Variants in FAM210B observed in about 807,000 individuals in gnomAD.
The protein encoded by FAM210B is family with sequence similarity 210 member B.
FAM210B carries 11 observed loss-of-function variants against 14.9 expected under a neutral mutation model. The ratio of observed to expected loss-of-function variants is 0.74; its 90% confidence interval spans 0.46 to 1.22. The LOEUF is 1.22. Ranked by LOEUF, FAM210B falls within the 50% of genes most tolerant of loss-of-function variation. The pLI is 0.00. For synonymous variants in FAM210B, 113 were observed against 110.2 expected (o/e 1.03, Z -0.16); for missense variants, 229 against 250.1 (o/e 0.92, Z 0.57).
chr20:56,363,148 G>C lies in FAM210B; in HGVS notation c.187-1939G>C, dbSNP rs1402411426. Among the ~76,000 whole-genome samples the C allele has an allele frequency of 6.6e-6, 1 of 152,200 alleles. No homozygotes were observed. The highest frequency in any genetic ancestry group is 1.5e-5 in the Non-Finnish European group (1 of 68,040). On this transcript the variant is annotated intron_variant, in intron 1 of 2. Coordinates refer to ENST00000371384, the MANE Select transcript of FAM210B (RefSeq NM_080821.3). The surrounding 1 kb of genome is among the most constrained non-coding windows in gnomAD (Gnocchi z 4.1). ...CTTCCCTCCTCCCCTCCAGAGCCTG[G>C]ACATTCTGGAAAAGTGTCTTCCTTT...
At chr20:56,365,653 A>G (rs1236358845) in intron 2 of FAM210B, among the ~76,000 whole-genome samples, 2 of 152,154 alleles carry the variant, frequency 1.3e-5, no homozygotes, top group African/African-American at 4.8e-5. Flanking sequence ...CTACAGTCGC[A>G]TGCCACCAAG....
intron 1 of FAM210B, chr20:56,360,266 A>G (rs1451612034): frequency 2.1e-6 from 1 of 469,578 alleles, no homozygotes; most frequent in East Asian, 6.9e-5. Flanking sequence ...ATGATTCTTC[A>G]GGGCCCAGCC....
chr20:56,366,652 G>T lies in FAM210B; in HGVS notation c.*365G>T, dbSNP rs1490936877. ...TAATCTTGGCTCAGTTTCCTAAAAA[G>T]CATTGATTAATTTAACTGGCTTTTA... On this transcript the variant is annotated 3_prime_UTR_variant, in exon 3 of 3. Coordinates refer to ENST00000371384, the MANE Select transcript of FAM210B (RefSeq NM_080821.3). The T allele has an allele frequency of 1.0e-5, 2 of 192,394 alleles. No homozygotes were observed. Among genetic ancestry groups the T allele is most frequent in the Non-Finnish European group, 2.1e-5 (2 of 93,640 alleles). The allele number at this position is 192,394 out of a possible 1,614,324, so 11.9% of individuals were successfully genotyped here. A position where few individuals can be genotyped will look rare whatever the true frequency, so the allele number is the denominator to read the frequency against.
rs993470012 is a variant in FAM210B at position 56,362,006 on chromosome 20, T to A, written c.186+2815T>A. 2.6e-5 allele frequency among the ~76,000 whole-genome samples: 4 copies of A among 152,076 alleles called. No individual in the cohort carries two copies. The highest frequency in any genetic ancestry group is 2.0e-4 in the Admixed American group (3 of 15,250). ...ATATAAAATAATAAAATAAAAGATA[T>A]GTTGGCCAGCTTGGTCTTGAACTTC... On this transcript the variant is annotated intron_variant, in intron 1 of 2. Coordinates refer to ENST00000371384, the MANE Select transcript of FAM210B (RefSeq NM_080821.3). The surrounding 1 kb of genome is among the most constrained non-coding windows in gnomAD (Gnocchi z 4.8).
chr20:56,359,222 G>C lies in FAM210B; in HGVS notation c.186+31G>C. Reference sequence around the variant, plus strand: ...CACCCCACCCCGACCCTGATCCCGGGCGGTGTCCAGGTCCCCAGACGTCCG... The same window carrying C: ...CACCCCACCCCGACCCTGATCCCGGCCGGTGTCCAGGTCCCCAGACGTCCG... On this transcript the variant is annotated intron_variant, in intron 1 of 2. Transcript: ENST00000371384. The surrounding 1 kb of genome is among the most constrained non-coding windows in gnomAD (Gnocchi z 4.3). 8.2e-7 allele frequency: 1 copy of C among 1,223,182 alleles called. No homozygotes were observed. Among genetic ancestry groups the C allele is most frequent in the African/African-American group, 1.6e-5 (1 of 63,956 alleles). 75.8% of individuals were successfully genotyped at this position (1,223,182 alleles called of 1,614,324 possible).
In FAM210B at chr20:56,366,360, T is replaced by C. The variant is rs1983635915; in HGVS notation, c.*73T>C. 4 of 1,434,792 alleles carry C rather than the reference T, an allele frequency of 2.8e-6. 1 individual carries two copies. The Admixed American group carries it at 7.3e-5, about 26-fold the overall frequency. 88.9% of individuals were successfully genotyped at this position (1,434,792 alleles called of 1,614,324 possible). A position where few individuals can be genotyped will look rare whatever the true frequency, so the allele number is the denominator to read the frequency against. On this transcript the variant is annotated 3_prime_UTR_variant, in exon 3 of 3. Coordinates refer to ENST00000371384, the MANE Select transcript of FAM210B (RefSeq NM_080821.3). The stretch of plus-strand genomic sequence containing the variant: ...ATGATTTGGATTGGTTTTAGGGTTT[T>C]AGGGTTGTAGGGTTTCTTTTGGAGA...
intron 1 of FAM210B, among the ~76,000 whole-genome samples, chr20:56,364,446 AC>A (rs1478736747): frequency 6.6e-6 from 1 of 152,028 alleles, no homozygotes; most frequent in Non-Finnish European, 1.5e-5. Flanking sequence ...ACTTATAAGG[AC>A]CCTTGTGATG....
rs1983496272 is a variant in FAM210B, at chr20:56,359,846, C to T, written c.186+655C>T. Among the ~76,000 whole-genome samples, 1 of 152,238 alleles carries T rather than the reference C, an allele frequency of 6.6e-6. No individual in the cohort carries two copies. Among genetic ancestry groups the T allele is most frequent in the Non-Finnish European group, 1.5e-5 (1 of 68,042 alleles). On this transcript the variant is annotated intron_variant, in intron 1 of 2. Coordinates refer to ENST00000371384, the MANE Select transcript of FAM210B (RefSeq NM_080821.3). This position sits in a 1 kb window ranked among gnomAD's most constrained non-coding sequence, Gnocchi z 4.3. ...GGCAAGCCCAGACACGCGGAGCCGG[C>T]GTCCAGCCCGGAGCGCATCCGGCCT...
Position 56,362,055 on chromosome 20 carries a change from C to T in FAM210B, c.186+2864C>T, listed in dbSNP as rs1057408814. 6.6e-6 allele frequency among the ~76,000 whole-genome samples: 1 copy of T among 152,168 alleles called. No homozygotes were observed. Among genetic ancestry groups the T allele is most frequent in the Non-Finnish European group, 1.5e-5 (1 of 68,024 alleles). ...TCTGGCCTCAAGCAATCCTCCTACA[C>T]CTCAGCTTCCCAAAGTGTTAGGATT... On this transcript the variant is annotated intron_variant, in intron 1 of 2. Coordinates refer to ENST00000371384, the MANE Select transcript of FAM210B (RefSeq NM_080821.3). This position sits in a 1 kb window ranked among gnomAD's most constrained non-coding sequence, Gnocchi z 4.8.
Position 56,365,223 on chromosome 20 carries a change from C to T in FAM210B, c.323C>T (p.Ser108Leu). Residue 108 changes from serine to leucine, a missense_variant, in exon 2 of 3, where the codon TCA becomes TTA. Transcript: ENST00000371384. ...TVGVSLHIGI[S>L]LISLGIFYMV... ...GGCGTGTCATTGCACATTGGAATCT[C>T]ATTAATTTCCTTGGGCATATTTTAC... 1 of 1,613,876 alleles carries T rather than the reference C, an allele frequency of 6.2e-7. No individual in the cohort carries two copies. The highest frequency in any genetic ancestry group is 8.5e-7 in the Non-Finnish European group (1 of 1,179,952).
chr20:56,363,575 T>C lies in FAM210B; in HGVS notation c.187-1512T>C, dbSNP rs1983574409. On this transcript the variant is annotated intron_variant, in intron 1 of 2. Coordinates refer to ENST00000371384, the MANE Select transcript of FAM210B (RefSeq NM_080821.3). This position sits in a 1 kb window ranked among gnomAD's most constrained non-coding sequence, Gnocchi z 4.1. The stretch of plus-strand genomic sequence containing the variant: ...CCGGGACAAGCCCCAGGACTGTCCT[T>C]AGAGAAGTCTTTTGATTAAAGTGCT... Among the ~76,000 whole-genome samples, 1 of 152,218 alleles carries C rather than the reference T, an allele frequency of 6.6e-6. No homozygotes were observed. The highest frequency in any genetic ancestry group is 1.5e-5 in the Non-Finnish European group (1 of 68,038).
At chr20:56,360,130 G>T in intron 1 of FAM210B, 1 of 464,462 alleles carries the variant, frequency 2.2e-6, no homozygotes. Flanking sequence ...ATTGGACCCA[G>T]GCTTTCATCA....
In FAM210B at chr20:56,368,520, C is replaced by T. The variant is rs1052877540; in HGVS notation, c.*2233C>T. On this transcript the variant is annotated 3_prime_UTR_variant, in exon 3 of 3. Coordinates refer to ENST00000371384, the MANE Select transcript of FAM210B (RefSeq NM_080821.3). ...CCACTCCTGTGGCCAGGGGTCCAAA[C>T]AGAAAATAACCGGAGAAGACAAGGA... The T allele has an allele frequency of 1.3e-5, 2 of 152,184 alleles. No individual in the cohort carries two copies. The highest frequency in any genetic ancestry group is 4.8e-5 in the African/African-American group (2 of 41,440). 9.4% of individuals were successfully genotyped at this position (152,184 alleles called of 1,614,324 possible).
In FAM210B at chr20:56,362,077, G is replaced by A. The variant is rs1304584961; in HGVS notation, c.186+2886G>A. Among the ~76,000 whole-genome samples the A allele has an allele frequency of 1.3e-5, 2 of 152,106 alleles. No homozygotes were observed. The highest frequency in any genetic ancestry group is 4.8e-5 in the African/African-American group (2 of 41,410). On this transcript the variant is annotated intron_variant, in intron 1 of 2. Coordinates refer to ENST00000371384, the MANE Select transcript of FAM210B (RefSeq NM_080821.3). The surrounding 1 kb of genome is among the most constrained non-coding windows in gnomAD (Gnocchi z 4.8). ...ACACCTCAGCTTCCCAAAGTGTTAG[G>A]ATTACAAGCATGAGTCACCGTGCCC... is the stretch of plus-strand genomic sequence containing the variant.
At chr20:56,364,491 A>G (rs1983591117) in intron 1 of FAM210B, among the ~76,000 whole-genome samples, 1 of 152,190 alleles carries the variant, frequency 6.6e-6, no homozygotes, top group East Asian at 1.9e-4. Flanking sequence ...GTAATCCGGG[A>G]TCATCTCCCT....
At position 56,359,531 on chromosome 20, in the gene FAM210B, T is replaced by C. The variant is rs117340424; in HGVS notation, c.186+340T>C. 0.016 allele frequency among the ~76,000 whole-genome samples: 2,460 copies of C among 152,312 alleles called. 43 individuals are homozygous for C. The highest frequency in any genetic ancestry group is 0.021 in the Non-Finnish European group (1,415 of 68,020). ...CCACACGTTGCCTGCGGAGTTGTTG[T>C]CCAGGCCTTCTGGCTGGGTCTCGCT... On this transcript the variant is annotated intron_variant, in intron 1 of 2. Coordinates refer to ENST00000371384, the MANE Select transcript of FAM210B (RefSeq NM_080821.3). This position sits in a 1 kb window ranked among gnomAD's most constrained non-coding sequence, Gnocchi z 4.3.
In FAM210B at chr20:56,368,178, T is replaced by C. The variant is rs1008799211; in HGVS notation, c.*1891T>C. On this transcript the variant is annotated 3_prime_UTR_variant, in exon 3 of 3. Coordinates refer to ENST00000371384, the MANE Select transcript of FAM210B (RefSeq NM_080821.3). Reference sequence around the variant, plus strand: ...TTTCTGAGATCTAATTCCAAGGACTTCTCCACAGCTAAGTGAGATGCCTCA... The same window carrying C: ...TTTCTGAGATCTAATTCCAAGGACTCCTCCACAGCTAAGTGAGATGCCTCA... The C allele has an allele frequency of 6.6e-6, 1 of 152,572 alleles. No individual in the cohort carries two copies. The highest frequency in any genetic ancestry group is 1.5e-5 in the Non-Finnish European group (1 of 68,018). The allele number at this position is 152,572 out of a possible 1,614,324, so 9.5% of individuals were successfully genotyped here.
rs1017264876 is a variant in FAM210B at position 56,362,870 on chromosome 20, A to G, written c.187-2217A>G. Among the ~76,000 whole-genome samples, 2 of 152,226 alleles carry G rather than the reference A, an allele frequency of 1.3e-5. No homozygotes were observed. The highest frequency in any genetic ancestry group is 6.5e-5 in the Admixed American group (1 of 15,286). Reference sequence around the variant, plus strand: ...GCAGTCGGTCCAGTGATTGGACAGAATGGGGCCAGGTGTCAAGGGCATGGG... The same window carrying G: ...GCAGTCGGTCCAGTGATTGGACAGAGTGGGGCCAGGTGTCAAGGGCATGGG... On this transcript the variant is annotated intron_variant, in intron 1 of 2. Coordinates refer to ENST00000371384, the MANE Select transcript of FAM210B (RefSeq NM_080821.3). This position sits in a 1 kb window ranked among gnomAD's most constrained non-coding sequence, Gnocchi z 4.8.
rs948968289 is a variant in FAM210B at position 56,362,070 on chromosome 20, G to C, written c.186+2879G>C. Reference sequence around the variant, plus strand: ...TCCTCCTACACCTCAGCTTCCCAAAGTGTTAGGATTACAAGCATGAGTCAC... The same window carrying C: ...TCCTCCTACACCTCAGCTTCCCAAACTGTTAGGATTACAAGCATGAGTCAC... On this transcript the variant is annotated intron_variant, in intron 1 of 2. Coordinates refer to ENST00000371384, the MANE Select transcript of FAM210B (RefSeq NM_080821.3). This position sits in a 1 kb window ranked among gnomAD's most constrained non-coding sequence, Gnocchi z 4.8. Among the ~76,000 whole-genome samples, 5 of 152,118 alleles carry C rather than the reference G, an allele frequency of 3.3e-5. No homozygotes were observed. Among genetic ancestry groups the C allele is most frequent in the African/African-American group, 1.2e-4 (5 of 41,414 alleles).
Sources: gnomAD v4.1 joint callset for allele counts (sites outside exome capture counted in the v4.1 genomes callset) on GRCh38, gnomAD v4.1.1 for gene constraint, Gnocchi (gnomAD v3.1) non-coding constraint, MANE v1.5 for transcripts, NCBI Gene and HGNC (gene_info 2026-07-23, HGNC 2026-07-21) for gene names.